The following TMPRSS9 variants were observed in gnomAD, a reference collection of about 807,000 sequenced individuals.
The protein encoded by TMPRSS9 is transmembrane serine protease 9.
In TMPRSS9, 113 loss-of-function variants were observed where a neutral mutation model predicts 111.4. The ratio of observed to expected loss-of-function variants is 1.01; its 90% CI spans 0.87 to 1.19. TMPRSS9 has a LOEUF of 1.19. Among genes scored for constraint, TMPRSS9 ranks in the 50% most tolerant of loss-of-function variants. The pLI is 0.00. For missense variants in TMPRSS9, 1,803 were observed against 1,513.1 expected (o/e 1.19, Z -3.18); for synonymous variants, 805 against 659.1 (o/e 1.22, Z -3.39).
intron 1 of TMPRSS9, among the ~76,000 whole-genome samples, chr19:2,379,673 CTTTCT>C (rs1970370394): frequency 6.8e-6 from 1 of 146,050 alleles, no homozygotes; most frequent in Non-Finnish European, 1.5e-5. Flanking sequence ...TTCTTTCTTT[CTTTCT>C]CTTTTTCTTT....
At chr19:2,403,991 CAAAAA>C (rs924148287) in intron 6 of TMPRSS9, among the ~76,000 whole-genome samples, 1 of 50,476 alleles carries the variant, frequency 2.0e-5, no homozygotes, top group Non-Finnish European at 4.1e-5. Flanking sequence ...GACTCTGTCT[CAAAAA>C]AAAAAAAAAA....
intron 1 of TMPRSS9, among the ~76,000 whole-genome samples, chr19:2,393,232 T>C (rs183633243): frequency 1.3e-5 from 2 of 152,154 alleles, no homozygotes; most frequent in East Asian, 1.9e-4. Flanking sequence ...TGCTCACTCG[T>C]TGGGTGTGAG....
intron 1 of TMPRSS9, among the ~76,000 whole-genome samples, chr19:2,363,535 G>A (rs1272025881): frequency 2.0e-5 from 3 of 151,826 alleles, no homozygotes; most frequent in African/African-American, 7.3e-5. Context: ...AGGCGAGAGT[G>A]TGGGAGGGAG....
intron 9 of TMPRSS9, among the ~76,000 whole-genome samples, chr19:2,413,063 T>A (rs1040864835): frequency 6.6e-6 from 1 of 151,970 alleles, no homozygotes; most frequent in African/African-American, 2.4e-5. Context: ...GGCGTGGTGA[T>A]GCGTGCCTAT....
In TMPRSS9 at chr19:2,413,673, T is replaced by C; in HGVS notation, c.1255-27T>C. Reference sequence around the variant, plus strand: ...GTCTGGACTGGCTGCTGCCGACCCATCCTGAGGGTGTGTGTTGGTTTCCTA... The same window carrying C: ...GTCTGGACTGGCTGCTGCCGACCCACCCTGAGGGTGTGTGTTGGTTTCCTA... On this transcript the variant is annotated intron_variant, in intron 9 of 17. Transcript: ENST00000648592. 1.9e-6 allele frequency: 3 copies of C among 1,584,208 alleles called. No homozygotes were observed. The South Asian group carries it at 3.4e-5, about 18-fold the overall frequency.
At chr19:2,374,310 C>T (rs981847471) in intron 1 of TMPRSS9, among the ~76,000 whole-genome samples, 4 of 130,196 alleles carry the variant, frequency 3.1e-5, no homozygotes, top group Admixed American at 9.7e-5. Context: ...CGGTGGCTCA[C>T]GCCTGTAATC....
chr19:2,425,473 G>C, exon 17 of TMPRSS9: 2 of 1,590,452 alleles, frequency 1.3e-6, no homozygotes, highest in Non-Finnish European at 1.7e-6. Flanking sequence ...CTTCCCGCAG[G>C]GTGGCGTGGA....
At chr19:2,400,350 T>C (rs1970806209) in intron 4 of TMPRSS9, among the ~76,000 whole-genome samples, 1 of 151,622 alleles carries the variant, frequency 6.6e-6, no homozygotes, top group Non-Finnish European at 1.5e-5. Context: ...GAGACCAGCC[T>C]GGCCAACATG....
chr19:2,384,552 A>C (rs888498623), intron 1 of TMPRSS9, among the ~76,000 whole-genome samples: 4 of 151,336 alleles, frequency 2.6e-5, no homozygotes, highest in African/African-American at 9.7e-5. Flanking sequence ...GCGGTGGCTC[A>C]CGCCTGTAAT....
intron 10 of TMPRSS9, among the ~76,000 whole-genome samples, chr19:2,415,196 T>C (rs889574484): frequency 2.0e-5 from 3 of 152,020 alleles, no homozygotes; most frequent in Non-Finnish European, 4.4e-5. Context: ...CTGCCCGCCT[T>C]GGCCTCCCAA....
intron 1 of TMPRSS9, among the ~76,000 whole-genome samples, chr19:2,366,638 A>C (rs1970249489): frequency 6.6e-6 from 1 of 151,352 alleles, no homozygotes; most frequent in Non-Finnish European, 1.5e-5. Context: ...AGGGCAGATC[A>C]CAAGGTCAGG....
intron 13 of TMPRSS9, among the ~76,000 whole-genome samples, chr19:2,420,330 T>C (rs374652949): frequency 9.8e-4 from 148 of 151,308 alleles, no homozygotes; most frequent in Middle Eastern, 6.9e-3. Flanking sequence ...TAATTCTAGC[T>C]ACTCCGGAGG....
At position 2,389,935 on chromosome 19, in the gene TMPRSS9, G is replaced by A; in HGVS notation, c.142+8G>A. The A allele has an allele frequency of 1.2e-6, 2 of 1,601,878 alleles. No homozygotes were observed. The highest frequency in any genetic ancestry group is 2.7e-5 in the African/African-American group (2 of 74,820). On this transcript the variant is annotated splice_region_variant and intron_variant, in intron 1 of 17. Coordinates refer to ENST00000648592, the Ensembl canonical transcript of TMPRSS9. Reference sequence around the variant, plus strand: ...CCCTGGGAGTCCTTTTGGGTAAGTGGCTATGGGATTGGCTGGGTTCGCAAT... The same window carrying A: ...CCCTGGGAGTCCTTTTGGGTAAGTGACTATGGGATTGGCTGGGTTCGCAAT...
intron 10 of TMPRSS9, among the ~76,000 whole-genome samples, chr19:2,414,676 A>G (rs917945793): frequency 6.6e-6 from 1 of 151,514 alleles, no homozygotes; most frequent in African/African-American, 2.4e-5. Context: ...GGAGTTCAAG[A>G]CCAGCCTGGC....
At chr19:2,381,873 C>T (rs982801298) in intron 1 of TMPRSS9, among the ~76,000 whole-genome samples, 3 of 152,186 alleles carry the variant, frequency 2.0e-5, no homozygotes, top group Non-Finnish European at 4.4e-5. Flanking sequence ...GACGGAGTCT[C>T]GCTCTGTCGC....
chr19:2,406,617 G>A (rs979259736), intron 7 of TMPRSS9, among the ~76,000 whole-genome samples: 2 of 151,266 alleles, frequency 1.3e-5, no homozygotes, highest in Non-Finnish European at 2.9e-5. Context: ...TTACAGGCGT[G>A]AGCCACCGTG....
At chr19:2,375,997 T>G (rs1970330699) in intron 1 of TMPRSS9, among the ~76,000 whole-genome samples, 1 of 151,990 alleles carries the variant, frequency 6.6e-6, no homozygotes, top group African/African-American at 2.4e-5. Context: ...ACCATTCGGC[T>G]CTCTCCGAAG....
chr19:2,396,611 T>C lies in TMPRSS9; in HGVS notation c.215T>C (p.Leu72Ser), dbSNP rs1237860340. ...CGGGGAATCCGGTGGACCAGCAGTT[T>C]GCGGCGGGAGACCTCGGACTATCAC... Residue 72 changes from leucine to serine, a missense_variant, in exon 2 of 18, where the codon TTG becomes TCG. Coordinates refer to ENST00000648592, the Ensembl canonical transcript of TMPRSS9. The C allele has an allele frequency of 3.1e-6, 5 of 1,602,576 alleles. No homozygotes were observed. Among genetic ancestry groups the C allele is most frequent in the Non-Finnish European group, 4.3e-6 (5 of 1,175,346 alleles).
chr19:2,362,397 G>A (rs1447988428), intron 1 of TMPRSS9, among the ~76,000 whole-genome samples: 1 of 151,850 alleles, frequency 6.6e-6, no homozygotes, highest in African/African-American at 2.4e-5. Flanking sequence ...TGTGATTGTG[G>A]TGGAGGTGTA....
Sources: gnomAD v4.1 joint callset for allele counts (sites outside exome capture counted in the v4.1 genomes callset) on GRCh38, gnomAD v4.1.1 for gene constraint, MANE v1.5 for transcripts, NCBI Gene and HGNC (gene_info 2026-07-23, HGNC 2026-07-21) for gene names.